MCM3AP: variants seen among roughly 807,000 people sequenced by gnomAD.
The protein encoded by MCM3AP is germinal-center associated nuclear protein.
Under a neutral mutation model 184.1 loss-of-function variants are expected in MCM3AP, and 126 were observed. That is an observed-to-expected ratio of 0.68 (90% confidence interval 0.59 to 0.79). The LOEUF (loss-of-function observed/expected upper bound fraction) is 0.79, where lower values mean the gene tolerates loss of function less well. MCM3AP is among the 30% of genes least tolerant of loss of function. The probability of loss-of-function intolerance (pLI) is 0.00; values close to 1 mark genes in which losing one functional copy is unlikely to be tolerated. For missense variants in MCM3AP, 2,496 were observed against 2,479.2 expected, an observed-to-expected ratio of 1.01 and a Z score of -0.14; for synonymous variants, 1,002 against 979.3, an observed-to-expected ratio of 1.02 and a Z score of -0.43.
At chr21:46,254,675 G>A (rs1158821930) in intron 18 of MCM3AP, 101 bp downstream of exon 18, 19 of 1,420,430 alleles carry the variant, frequency 1.3e-5, no homozygotes, top group Admixed American at 1.8e-5. Context: ...GGAGCTCATC[G>A]AAGAGACCTC....
In MCM3AP at chr21:46,285,034, A is replaced by G; in HGVS notation, c.253T>C (p.Ser85Pro). 2.5e-6 allele frequency: 4 copies of G among 1,614,188 alleles called. No individual in the cohort carries two copies. In the South Asian group the frequency reaches 4.4e-5, roughly 18 times the overall value. ...FTQTSSVGPFSGLEHTSTFVA... is the reference protein window; with the variant it reads ...FTQTSSVGPFPGLEHTSTFVA... ...AAGGTGGAAGTGTGCTCAAGTCCAG[A>G]AAAGGGTCCAACACTTGAGGTTTGG... The change falls in exon 1 of 28, where the codon TCT (serine) becomes CCT (proline). Residue 85 changes from serine to proline, a missense_variant. Ser to Pro is a moderately conservative substitution (Grantham distance 74). This residue lies in a region of MCM3AP where 800 missense variants were observed against 717.1 expected (regional missense o/e 1.12). Coordinates refer to ENST00000291688, the MANE Select transcript of MCM3AP (RefSeq NM_003906.5).
intron 19 of MCM3AP, chr21:46,252,624 G>C (rs1342186424): frequency 6.6e-6 from 1 of 152,034 alleles, no homozygotes; most frequent in African/African-American, 2.4e-5. Flanking sequence ...GAGAGGTGGA[G>C]GTTGCAGTGA....
At chr21:46,244,336 CAG>C (rs1439842447) in intron 23 of MCM3AP, among the ~76,000 whole-genome samples, 5 of 152,258 alleles carry the variant, frequency 3.3e-5, no homozygotes, top group South Asian at 4.1e-4. Flanking sequence ...CAGCCAGGAA[CAG>C]GGGCACAGCC....
Position 46,244,961 on chromosome 21 carries a change from C to T in MCM3AP, c.4884G>A (p.Leu1628=). The T allele has an allele frequency of 6.2e-7, 1 of 1,614,230 alleles. No individual in the cohort carries two copies. The highest frequency in any genetic ancestry group is 8.5e-7 in the Non-Finnish European group (1 of 1,180,034). Residue 1628 remains leucine, a synonymous_variant, in exon 23 of 28, where the codon CTG becomes CTA. Coordinates refer to ENST00000291688, the MANE Select transcript of MCM3AP (RefSeq NM_003906.5). ...CAGTGACAGGCCAGGACAGGTCACA[C>T]AGCTGTTCAGAGGACACCACAGAAG... The part of the protein sequence containing the change: ...FLASVVSSEQ[L]CDLSWPVTEF...
At chr21:46,283,992 C>T in intron 1 of MCM3AP, 76 bp downstream of exon 1, 1 of 1,547,780 alleles carries the variant, frequency 6.5e-7, no homozygotes, top group African/African-American at 1.4e-5. Context: ...TCTGAAAAAT[C>T]AAGCTAACAC....
At chr21:46,254,732 C>T (rs773949649) in intron 18 of MCM3AP, 44 bp downstream of exon 18, 175 of 1,572,950 alleles carry the variant, frequency 1.1e-4, no homozygotes, top group Non-Finnish European at 1.2e-4. Flanking sequence ...GATTGGGGAA[C>T]GGGGATCACC....
At chr21:46,269,705 T>C (rs1601531288) in intron 9 of MCM3AP, among the ~76,000 whole-genome samples, 1 of 152,148 alleles carries the variant, frequency 6.6e-6, no homozygotes, top group Non-Finnish European at 1.5e-5. Flanking sequence ...GCAGCCTCCT[T>C]GGAGCCGCTG....
intron 2 of MCM3AP, among the ~76,000 whole-genome samples, chr21:46,282,000 AAAC>A (rs1015489428): frequency 1.6e-4 from 24 of 152,240 alleles, no homozygotes; most frequent in South Asian, 4.2e-4. Context: ...CCCGTCTCAA[AAAC>A]AACAACAACA....
Position 46,274,938 on chromosome 21 carries a change from C to CAA in MCM3AP, c.1998+246_1998+247dup, listed in dbSNP as rs35282554. Among the ~76,000 whole-genome samples, 299 of 96,674 alleles carry CAA rather than the reference C, an allele frequency of 3.1e-3. 2 individuals carry two copies. Among genetic ancestry groups the CAA allele is most frequent in the African/African-American group, 3.9e-3 (91 of 23,246 alleles). 63.4% of individuals were successfully genotyped at this position (96,674 alleles called of 152,430 possible). A position where few individuals can be genotyped will look rare whatever the true frequency, so the allele number is the denominator to read the frequency against. Reference sequence around the variant, plus strand: ...TAGGTGACAGAGTGAGACCCTGTCTCAAAAAAAAAAAAAAAAAAAAAGAAT... The same window carrying CAA: ...TAGGTGACAGAGTGAGACCCTGTCTCAAAAAAAAAAAAAAAAAAAAAAAGAAT... On this transcript the variant is annotated intron_variant, in intron 6 of 27. Transcript: ENST00000291688.
At position 46,284,303 on chromosome 21, in the gene MCM3AP, G is replaced by A. The variant is rs2081372054; in HGVS notation, c.984C>T (p.Arg328=). Residue 328 remains arginine (R), a synonymous_variant, in exon 1 of 28, where the codon CGC becomes CGT. Coordinates refer to ENST00000291688, the MANE Select transcript of MCM3AP (RefSeq NM_003906.5). ...GDHPPDKRPV[R]LNRPRGGTLF... Reference sequence around the variant, plus strand: ...AAGTACCTCCCCGGGGTCGATTCAGGCGGACAGGTCGTTTGTCTGGAGGAT... The same window carrying A: ...AAGTACCTCCCCGGGGTCGATTCAGACGGACAGGTCGTTTGTCTGGAGGAT... 6 of 1,614,112 alleles carry A rather than the reference G, an allele frequency of 3.7e-6. No individual in the cohort carries two copies. The highest frequency in any genetic ancestry group is 2.2e-5 in the East Asian group (1 of 44,898).
chr21:46,286,179 G>GC (rs1228796404), upstream of MCM3AP: 2 of 152,296 alleles, frequency 1.3e-5, no homozygotes, highest in Non-Finnish European at 2.9e-5. Context: ...CGAGGCCCGC[G>GC]CTGCCCACTG....
chr21:46,236,095 T>C (rs1244997742), intron 27 of MCM3AP: 1 of 152,254 alleles, frequency 6.6e-6, no homozygotes, highest in Non-Finnish European at 1.5e-5. Context: ...TTTTGGGGAA[T>C]ATCTGGTAGG....
At chr21:46,269,739 G>A (rs1473495786) in intron 9 of MCM3AP, among the ~76,000 whole-genome samples, 1 of 152,244 alleles carries the variant, frequency 6.6e-6, no homozygotes, top group Non-Finnish European at 1.5e-5. Flanking sequence ...CAGAGTGTGT[G>A]CGAGGTGAGG....
At chr21:46,260,987 A>G in intron 14 of MCM3AP, 81 bp from the exon 15 acceptor site, 1 of 1,143,758 alleles carries the variant, frequency 8.7e-7, no homozygotes, top group Non-Finnish European at 1.3e-6. Flanking sequence ...CTGGCCACGC[A>G]GACAGGGATT....
In MCM3AP at chr21:46,243,627, T is replaced by C. The variant is rs1180147758; in HGVS notation, c.5134A>G (p.Asn1712Asp). The C allele has an allele frequency of 2.5e-6, 4 of 1,614,138 alleles. No individual in the cohort carries two copies. The highest frequency in any genetic ancestry group is 3.4e-6 in the Non-Finnish European group (4 of 1,180,008). ...TQPVLQSQVE[N>D]LLHRTYCRWK... ...CTACAGTAGGTTCTGTGGAGCAGGTTCTCCACCTGGGACTGGAGGACAGGC... is the reference window on the plus strand; with the variant it reads ...CTACAGTAGGTTCTGTGGAGCAGGTCCTCCACCTGGGACTGGAGGACAGGC... Residue 1712 changes from asparagine (N) to aspartate (D), a missense_variant, in exon 24 of 28, where the codon AAC becomes GAC. Physicochemically the swap from Asn to Asp is conservative, Grantham distance 23. Transcript: ENST00000291688.
At chr21:46,241,148 C>T in intron 25 of MCM3AP, 131 bp from the exon 26 acceptor site, 1 of 697,266 alleles carries the variant, frequency 1.4e-6, no homozygotes, top group Non-Finnish European at 2.5e-6. Context: ...ATGTGCCCTC[C>T]TGGAACAGCT....
chr21:46,261,724 C>T (rs1373981716), intron 13 of MCM3AP, among the ~76,000 whole-genome samples: 2 of 119,106 alleles, frequency 1.7e-5, no homozygotes, highest in Admixed American at 1.8e-4. Flanking sequence ...CACAGCGAGA[C>T]TCTGTCTCAA....
chr21:46,269,996 A>G lies in MCM3AP; in HGVS notation c.2628+405T>C, dbSNP rs578067040. On this transcript the variant is annotated intron_variant, in intron 9 of 27. Coordinates refer to ENST00000291688, the MANE Select transcript of MCM3AP (RefSeq NM_003906.5). ...GCAAAGCACAGACACTGAGGCACCC[A>G]CTGAAAGGAACTTAGCGCCATCAGC... Among the ~76,000 whole-genome samples, 4 of 152,328 alleles carry G rather than the reference A, an allele frequency of 2.6e-5. No homozygotes were observed. In the South Asian group the frequency reaches 8.3e-4, roughly 32 times the overall value.
chr21:46,243,816 G>A, intron 23 of MCM3AP, 94 bp from the exon 24 acceptor site: 1 of 1,308,156 alleles, frequency 7.6e-7, no homozygotes, highest in South Asian at 1.4e-5. Context: ...CAACTGTGAA[G>A]TTGAGAAGTC....
Sources: gnomAD v4.1 joint callset for allele counts (sites outside exome capture counted in the v4.1 genomes callset) on GRCh38, gnomAD v4.1.1 for gene constraint, gnomAD v4.1.1 regional missense constraint, MANE v1.5 for transcripts, NCBI Gene and HGNC (gene_info 2026-07-23, HGNC 2026-07-21) for gene names.